Variants in LRRC66 observed in about 807,000 individuals in gnomAD.
The protein encoded by LRRC66 is leucine-rich repeat-containing protein 66.
LRRC66 carries 29 observed loss-of-function variants against 24.6 expected under a neutral mutation model. The ratio of observed to expected loss-of-function variants is 1.18; its 90% CI spans 0.88 to 1.61. The LOEUF is 1.61. Ranked by LOEUF, LRRC66 falls within the 40% of genes most tolerant of loss-of-function variation. The pLI is 0.00. For synonymous variants in LRRC66, 411 were observed against 397.6 expected, an observed-to-expected ratio of 1.03 and a Z score of -0.40; for missense variants, 1,124 against 1,058.0, an observed-to-expected ratio of 1.06 and a Z score of -0.87.
chr4:52,004,294 C>T (rs917384684), intron 2 of LRRC66, among the ~76,000 whole-genome samples: 24 of 152,198 alleles, frequency 1.6e-4, no homozygotes, highest in African/African-American at 5.8e-4. Context: ...AGGCATAAGC[C>T]GCCACACCCG....
chr4:52,017,728 G>T, intron 1 of LRRC66, 110 bp from the exon 2 acceptor site: 1 of 1,375,734 alleles, frequency 7.3e-7, no homozygotes. Flanking sequence ...ATCTTGTCTT[G>T]GTTGCCAATT....
At chr4:51,996,245 T>C (rs1204009941) in intron 4 of LRRC66, 80 bp from the exon 5 acceptor site, 9 of 1,367,924 alleles carry the variant, frequency 6.6e-6, no homozygotes, top group Non-Finnish European at 7.9e-6. Context: ...TTTACAGAAT[T>C]GAAAAAAATT....
intron 2 of LRRC66, among the ~76,000 whole-genome samples, chr4:52,007,817 C>T (rs1736621033): frequency 6.6e-6 from 1 of 152,144 alleles, no homozygotes; most frequent in East Asian, 1.9e-4. Flanking sequence ...TTGGTTTCTG[C>T]TAGTGTCATT....
chr4:52,011,922 T>G (rs1017661460), intron 2 of LRRC66, among the ~76,000 whole-genome samples: 1 of 152,190 alleles, frequency 6.6e-6, no homozygotes, highest in African/African-American at 2.4e-5. Context: ...CGGTGACTGA[T>G]GCCTGTAATC....
chr4:52,017,500 C>CTGA lies in LRRC66; in HGVS notation c.113_114insTCA (p.Trp38delinsCysGln), dbSNP rs758355179. 1.2e-6 allele frequency: 2 copies of CTGA among 1,613,762 alleles called. No individual in the cohort carries two copies. The highest frequency in any genetic ancestry group is 2.2e-5 in the South Asian group (2 of 91,050). On this transcript the variant is annotated protein_altering_variant, in exon 2 of 5. Coordinates refer to ENST00000682860, the MANE Select transcript of LRRC66 (RefSeq NM_001024611.3). ...AACAATTTGTCAGAATATATTCATT[C>CTGA]CATTGGCATTCAGAATTGAATAAAA... is the stretch of plus-strand genomic sequence containing the variant.
intron 2 of LRRC66, among the ~76,000 whole-genome samples, chr4:52,004,885 G>A (rs1443508660): frequency 6.6e-6 from 1 of 152,188 alleles, no homozygotes; most frequent in Admixed American, 6.5e-5. Context: ...GGACAAGTAT[G>A]GACAGCATAG....
chr4:51,997,776 C>CT lies in LRRC66; in HGVS notation c.827dup (p.Trp277ValfsTer12). On this transcript the variant is annotated frameshift_variant, in exon 4 of 5. Coordinates refer to ENST00000682860, the MANE Select transcript of LRRC66 (RefSeq NM_001024611.3). LOFTEE classifies it low-confidence loss of function (END_TRUNC). ...TAGACCTGTTGCAAATGACATTCCA[C>CT]TTTTTCCTCCAGGATTCAGAAATAA... The CT allele has an allele frequency of 6.2e-7, 1 of 1,614,000 alleles. No individual in the cohort carries two copies. Among genetic ancestry groups the CT allele is most frequent in the Non-Finnish European group, 8.5e-7 (1 of 1,179,924 alleles).
chr4:52,003,303 G>A lies in LRRC66; in HGVS notation c.586C>T (p.Gln196Ter). 1 of 1,613,812 alleles carries A rather than the reference G, an allele frequency of 6.2e-7. No homozygotes were observed. Among genetic ancestry groups the A allele is most frequent in the East Asian group, 2.2e-5 (1 of 44,842 alleles). ...IGWSDFHNCL[Q>*]LENLCLKSNK... ...CTCTTTAAACAGAGATTCTCCAGTT[G>A]CAGGCAGTTGTGAAAATCAGACCAC... Residue 196 changes from glutamine (Q) to a stop codon, truncating the protein, a stop_gained, in exon 3 of 5, where the codon CAA (glutamine) becomes TAA (stop). Transcript: ENST00000682860. LOFTEE classifies it high-confidence loss of function.
rs1434706996 is a variant in LRRC66 at position 51,993,695 on chromosome 4, CTCTTT to C, written c.*679_*683del. On this transcript the variant is annotated 3_prime_UTR_variant, in exon 5 of 5. Transcript: ENST00000682860. ...TTTATTCTAAAAAGTGGCCCCTCTT[CTCTTT>C]TAACATAACTTATTTAAAAACATTT... 1 of 152,186 alleles carries C rather than the reference CTCTTT, an allele frequency of 6.6e-6. No individual in the cohort carries two copies. The highest frequency in any genetic ancestry group is 6.5e-5 in the Admixed American group (1 of 15,280). The allele number at this position is 152,186 out of a possible 1,614,324, so 9.4% of individuals were successfully genotyped here.
intron 2 of LRRC66, 103 bp from the exon 3 acceptor site, chr4:52,003,495 G>T: frequency 2.1e-6 from 2 of 943,498 alleles, no homozygotes; most frequent in Non-Finnish European, 3.2e-6. Flanking sequence ...GTTCTCAATT[G>T]AGGTATTGTT....
At chr4:52,015,613 C>T (rs918940448) in intron 2 of LRRC66, among the ~76,000 whole-genome samples, 4 of 152,144 alleles carry the variant, frequency 2.6e-5, no homozygotes, top group Non-Finnish European at 4.4e-5. Flanking sequence ...TTACTACAGA[C>T]AACAGAAGGT....
In LRRC66 at chr4:51,996,181, A is replaced by C; in HGVS notation, c.857-16T>G. ...TCCTCACTCCCTGCAAGTGGGATTA[A>C]AAAAATACACATTGAGCGAACATTG... On this transcript the variant is annotated splice_polypyrimidine_tract_variant and intron_variant, in intron 4 of 4. Transcript: ENST00000682860. 6.5e-7 allele frequency: 1 copy of C among 1,549,296 alleles called. No homozygotes were observed.
chr4:52,013,848 C>G (rs1736752858), intron 2 of LRRC66, among the ~76,000 whole-genome samples: 1 of 152,202 alleles, frequency 6.6e-6, no homozygotes, highest in African/African-American at 2.4e-5. Flanking sequence ...TGAGATCTCT[C>G]TAATTTATTA....
Position 51,994,953 on chromosome 4 carries a change from G to A in LRRC66, c.2069C>T (p.Ser690Phe), listed in dbSNP as rs1443849983. Residue 690 changes from serine (S) to phenylalanine (F), a missense_variant, in exon 5 of 5, where the codon TCC (serine) becomes TTC (phenylalanine). Physicochemically the swap from Ser to Phe is radical, Grantham distance 155. Transcript: ENST00000682860. ...CTCACAGCAAGTGTCAGAAGGAGTG[G>A]ATTTCTGCACTGGTTCCTTGTTAGC... The part of the protein sequence containing the change: ...TPANKEPVQK[S>F]TPSDTCCELE... 1 of 1,614,138 alleles carries A rather than the reference G, an allele frequency of 6.2e-7. No homozygotes were observed. Among genetic ancestry groups the A allele is most frequent in the Non-Finnish European group, 8.5e-7 (1 of 1,180,038 alleles).
At chr4:52,011,827 G>A (rs945279650) in intron 2 of LRRC66, among the ~76,000 whole-genome samples, 1 of 152,088 alleles carries the variant, frequency 6.6e-6, no homozygotes, top group Non-Finnish European at 1.5e-5. Context: ...GCTTTTTTAG[G>A]TTAAGTGACT....
intron 1 of LRRC66, chr4:52,017,842 C>A (rs1736856099): frequency 9.1e-6 from 9 of 985,352 alleles, no homozygotes; most frequent in Non-Finnish European, 1.1e-5. Context: ...AGAAAGGACT[C>A]CCCTGATTTT....
intron 3 of LRRC66, among the ~76,000 whole-genome samples, chr4:51,999,221 T>C (rs1004781991): frequency 2.0e-5 from 3 of 152,176 alleles, no homozygotes; most frequent in African/African-American, 7.2e-5. Context: ...AAGAGGATGA[T>C]GAATATAATC....
intron 2 of LRRC66, among the ~76,000 whole-genome samples, chr4:52,013,517 T>C (rs1290190803): frequency 1.1e-4 from 17 of 152,250 alleles, no homozygotes; most frequent in Admixed American, 1.1e-3. Context: ...ATTGTTTTCA[T>C]GTTTTTAAAC....
At chr4:52,012,111 C>T (rs978995552) in intron 2 of LRRC66, among the ~76,000 whole-genome samples, 7 of 151,848 alleles carry the variant, frequency 4.6e-5, no homozygotes, top group Admixed American at 1.3e-4. Context: ...CTCTTGAACC[C>T]GGGAGGTGGA....
Sources: allele counts gnomAD v4.1 joint callset (sites outside exome capture counted in the v4.1 genomes callset), GRCh38; gene constraint gnomAD v4.1.1; transcripts MANE v1.5; gene names NCBI Gene and HGNC (gene_info 2026-07-23, HGNC 2026-07-21).